The following CD99 variants were observed in gnomAD, a reference collection of about 807,000 sequenced individuals.
The protein encoded by CD99 is CD99 antigen.
A neutral mutation model predicts 28.4 loss-of-function variants in CD99; 19 were observed. That is an observed-to-expected ratio of 0.67 (90% CI 0.47 to 0.98). CD99 has a LOEUF of 0.98. Among genes scored for constraint, CD99 ranks in the 50% least tolerant of loss-of-function variants. CD99 has a pLI of 0.00. For synonymous variants in CD99, 103 were observed against 92.1 expected (o/e 1.12, Z -0.67); for missense variants, 283 against 248.8 (o/e 1.14, Z -0.92).
In CD99 at chrX:2,699,542, C is replaced by T. The variant is rs2047747407; in HGVS notation, c.67+8115C>T. ...CTGGAGTGCAGCGATGCAATCTTGGCTCGCTGCAACCTCTGCCACCCAGGT... is the reference window on the plus strand; with the variant it reads ...CTGGAGTGCAGCGATGCAATCTTGGTTCGCTGCAACCTCTGCCACCCAGGT... On this transcript the variant is annotated intron_variant, in intron 1 of 9. Transcript: ENST00000381192. Among the ~76,000 whole-genome samples, 4 of 150,050 alleles carry T rather than the reference C, an allele frequency of 2.7e-5. No individual in the cohort carries two copies. In the South Asian group the frequency reaches 8.4e-4, roughly 32 times the overall value.
chrX:2,703,651 T>TGTGTGTGTGTGTG (rs1569428530), intron 1 of CD99, among the ~76,000 whole-genome samples: 14 of 145,342 alleles, frequency 9.6e-5, no homozygotes, highest in African/African-American at 2.9e-4. Flanking sequence ...TGTGTGTGTG[T>TGTGTGTGTGTGTG]TGGCCTCACA....
chrX:2,706,813 T>A (rs975450635), intron 1 of CD99, among the ~76,000 whole-genome samples: 32 of 152,074 alleles, frequency 2.1e-4, no homozygotes, highest in Non-Finnish European at 4.1e-4. Context: ...GCCTAATTTT[T>A]TTTAATTAAT....
chrX:2,707,928 C>T (rs2048200144), intron 1 of CD99, among the ~76,000 whole-genome samples: 1 of 152,086 alleles, frequency 6.6e-6, no homozygotes, highest in Non-Finnish European at 1.5e-5. Flanking sequence ...CCTGAAAGCT[C>T]AGGGAATGTG....
At chrX:2,692,022 G>A (rs1279896633) in intron 1 of CD99, 6 of 689,708 alleles carry the variant, frequency 8.7e-6, no homozygotes, top group Non-Finnish European at 1.3e-5. Flanking sequence ...AAGCAACACG[G>A]GGCGCAGAAA....
At chrX:2,716,493 C>T (rs1315362850) in intron 2 of CD99, among the ~76,000 whole-genome samples, 3 of 152,068 alleles carry the variant, frequency 2.0e-5, no homozygotes. Flanking sequence ...TGTGCCACCT[C>T]ACCTGGTACA....
chrX:2,701,507 T>A (rs1480163741), intron 1 of CD99, among the ~76,000 whole-genome samples: 1 of 152,114 alleles, frequency 6.6e-6, no homozygotes, highest in Non-Finnish European at 1.5e-5. Flanking sequence ...TCAGAGAGAG[T>A]TCTCCCAGGA....
At chrX:2,713,549 C>G (rs1383095770) in intron 1 of CD99, among the ~76,000 whole-genome samples, 1 of 152,218 alleles carries the variant, frequency 6.6e-6, no homozygotes, top group Non-Finnish European at 1.5e-5. Context: ...CTCACACACA[C>G]ATACCCCTGT....
rs757522460 is a variant in CD99, at chrX:2,691,330, C to T, written c.-31C>T. 311 of 1,533,730 alleles carry T rather than the reference C, an allele frequency of 2.0e-4. No homozygotes were observed. The highest frequency in any genetic ancestry group is 2.5e-4 in the Non-Finnish European group (288 of 1,149,318). ...CCGCCTTCGCCCACGCCCTGCACTC[C>T]GGGACCGTCCCTGCGCGCTCTGGGC... On this transcript the variant is annotated 5_prime_UTR_variant, in exon 1 of 10. Transcript: ENST00000381192.
rs760598428 is a variant in CD99, at chrX:2,740,894, A to G, written c.*90A>G. 1.2e-5 allele frequency: 17 copies of G among 1,361,566 alleles called. No individual in the cohort carries two copies. The South Asian group carries it at 1.9e-4, about 15-fold the overall frequency. The allele number at this position is 1,361,566 out of a possible 1,614,324, so 84.3% of individuals were successfully genotyped here. On this transcript the variant is annotated 3_prime_UTR_variant, in exon 10 of 10. Transcript: ENST00000381192. ...CCCTGAAGGACACCTGCCTGAGAGC[A>G]GAGATGGAGGCCTTCTGTTCACGGC...
At chrX:2,717,700 T>C in intron 3 of CD99, 48 bp downstream of exon 3, 1 of 1,552,808 alleles carries the variant, frequency 6.4e-7, no homozygotes, top group Non-Finnish European at 8.9e-7. Flanking sequence ...GCAAATCATT[T>C]TCTCGGACAG....
rs753195452 is a variant in CD99 at position 2,702,499 on chromosome X, C to T, written c.67+11072C>T. ...TAACCTAGGTACACGCAATCTTCAT[C>T]ATTCAGTGATTCTGTATTTGTGACT... On this transcript the variant is annotated intron_variant, in intron 1 of 9. Coordinates refer to ENST00000381192, the MANE Select transcript of CD99 (RefSeq NM_002414.5). Among the ~76,000 whole-genome samples the T allele has an allele frequency of 1.4e-4, 22 of 152,330 alleles. No homozygotes were observed. In the East Asian group the frequency reaches 4.2e-3, roughly 29 times the overall value.
In CD99 at chrX:2,694,482, G is replaced by T. The variant is rs147846476; in HGVS notation, c.67+3055G>T. Among the ~76,000 whole-genome samples, 676 of 148,536 alleles carry T rather than the reference G, an allele frequency of 4.6e-3. 2 individuals carry two copies. Among genetic ancestry groups the T allele is most frequent in the African/African-American group, 0.016 (646 of 39,928 alleles). Reference sequence around the variant, plus strand: ...CTCCCTACTTTAGGCCGAGCACGGTGACTCAGGCCTGTAAATCCCAGCACT... The same window carrying T: ...CTCCCTACTTTAGGCCGAGCACGGTTACTCAGGCCTGTAAATCCCAGCACT... On this transcript the variant is annotated intron_variant, in intron 1 of 9. Coordinates refer to ENST00000381192, the MANE Select transcript of CD99 (RefSeq NM_002414.5).
At chrX:2,703,552 T>TA (rs1483288661) in intron 1 of CD99, among the ~76,000 whole-genome samples, 3 of 151,936 alleles carry the variant, frequency 2.0e-5, no homozygotes, top group Non-Finnish European at 2.9e-5. Context: ...TGAGACTTTA[T>TA]AAAACGTAAC....
chrX:2,737,578 T>G (rs2050008812), intron 8 of CD99, among the ~76,000 whole-genome samples: 1 of 151,100 alleles, frequency 6.6e-6, no homozygotes, highest in African/African-American at 2.4e-5. Flanking sequence ...CACTGCAACC[T>G]CCACCTCCTG....
At chrX:2,727,199 A>T (rs1326796932) in intron 8 of CD99, 2 of 728,482 alleles carry the variant, frequency 2.7e-6, no homozygotes, top group African/African-American at 3.5e-5. Flanking sequence ...CCGAAAACCC[A>T]CAGGCACCCA....
At chrX:2,706,213 A>G (rs1366870407) in intron 1 of CD99, among the ~76,000 whole-genome samples, 1 of 152,076 alleles carries the variant, frequency 6.6e-6, no homozygotes, top group Non-Finnish European at 1.5e-5. Flanking sequence ...CAAAAAAATC[A>G]GCCGGGCGTG....
At chrX:2,734,998 G>A (rs2049864571) in intron 8 of CD99, among the ~76,000 whole-genome samples, 1 of 152,122 alleles carries the variant, frequency 6.6e-6, no homozygotes, top group Non-Finnish European at 1.5e-5. Context: ...CCTTCTCACA[G>A]AGGTCACCTT....
intron 7 of CD99, among the ~76,000 whole-genome samples, chrX:2,724,703 G>A (rs1315817360): frequency 1.3e-5 from 2 of 151,938 alleles, no homozygotes; most frequent in Non-Finnish European, 1.5e-5. Flanking sequence ...TCAGGAGTTC[G>A]AGACCAGCCT....
intron 5 of CD99, among the ~76,000 whole-genome samples, chrX:2,721,593 G>A (rs1415693121): frequency 2.6e-5 from 4 of 152,064 alleles, no homozygotes; most frequent in Non-Finnish European, 5.9e-5. Flanking sequence ...ACCTCACCCA[G>A]CCTATATATT....
Sources: allele counts gnomAD v4.1 joint callset (sites outside exome capture counted in the v4.1 genomes callset), GRCh38; gene constraint gnomAD v4.1.1; transcripts MANE v1.5; gene names NCBI Gene and HGNC (gene_info 2026-07-23, HGNC 2026-07-21).